Variants in ADGRL4 observed in about 807,000 individuals in gnomAD.
The protein encoded by ADGRL4 is adhesion G protein-coupled receptor L4, also known as EGF, latrophilin and seven transmembrane domain containing 1.
In ADGRL4, 90 loss-of-function variants were observed where a neutral mutation model predicts 74.8. The observed-to-expected ratio is 1.20, with a 90% CI of 1.02 to 1.43. The LOEUF is 1.43. Ranked by LOEUF, ADGRL4 falls within the 40% of genes most tolerant of loss-of-function variation. The pLI, the probability that ADGRL4 is intolerant of heterozygous loss-of-function variation, is 0.00. For missense variants in ADGRL4, 881 were observed against 814.3 expected, an observed-to-expected ratio of 1.08 and a Z score of -1.00; for synonymous variants, 311 against 279.2, an observed-to-expected ratio of 1.11 and a Z score of -1.14.
chr1:78,921,577 C>A, intron 9 of ADGRL4, 36 bp downstream of exon 9: 1 of 1,300,742 alleles, frequency 7.7e-7, no homozygotes, highest in Non-Finnish European at 1.0e-6. Flanking sequence ...ACAGAAAAAG[C>A]AACATTTATA....
At chr1:78,942,215 A>G (rs1649501428) in intron 3 of ADGRL4, among the ~76,000 whole-genome samples, 1 of 150,336 alleles carries the variant, frequency 6.7e-6, no homozygotes. Context: ...CTTCTAATCC[A>G]AAAGAGTTCT....
intron 2 of ADGRL4, among the ~76,000 whole-genome samples, chr1:78,992,892 T>C (rs1391754750): frequency 6.6e-6 from 1 of 152,118 alleles, no homozygotes; most frequent in African/African-American, 2.4e-5. Context: ...CAATTGATGT[T>C]TGATGGTTGA....
At chr1:78,944,209 A>T (rs1053897174) in intron 3 of ADGRL4, among the ~76,000 whole-genome samples, 85 of 152,182 alleles carry the variant, frequency 5.6e-4, no homozygotes, top group African/African-American at 2.0e-3. Flanking sequence ...AAAAAGACAG[A>T]TGTCTTCTAC....
At chr1:78,906,905 A>G (rs1648655092) in intron 12 of ADGRL4, among the ~76,000 whole-genome samples, 1 of 152,010 alleles carries the variant, frequency 6.6e-6, no homozygotes. Flanking sequence ...CAAATTATTA[A>G]GAATTGTCCT....
chr1:79,001,593 A>G (rs1021925963), intron 2 of ADGRL4, among the ~76,000 whole-genome samples: 2 of 152,136 alleles, frequency 1.3e-5, no homozygotes, highest in African/African-American at 4.8e-5. Flanking sequence ...GTGAACTTCA[A>G]CTTTGCTTAT....
intron 3 of ADGRL4, among the ~76,000 whole-genome samples, chr1:78,945,177 A>AAAAAAAAATATAT (rs376405445): frequency 7.8e-6 from 1 of 127,938 alleles, no homozygotes; most frequent in African/African-American, 2.9e-5. Context: ...AAAAAAAAAA[A>AAAAAAAAATATAT]ATATATATAT....
At chr1:78,965,259 A>C (rs1277134206) in intron 2 of ADGRL4, among the ~76,000 whole-genome samples, 6 of 152,298 alleles carry the variant, frequency 3.9e-5, no homozygotes, top group Non-Finnish European at 5.9e-5. Context: ...TTTGTATGAT[A>C]CTTTGTTATA....
In ADGRL4 at chr1:78,891,177, A is replaced by T. The variant is rs554373790; in HGVS notation, c.2050T>A (p.Cys684Ser). ...EYYRLFKNVPCCFGCLR is the reference protein window; with the variant it reads ...EYYRLFKNVPSCFGCLR ...GTTTACCTTAAACATCCAAAACAAC[A>T]GGGGACATTTTTGAACAATCTGTAA... The change falls in exon 15 of 15, where the codon TGT (cysteine) becomes AGT (serine). Residue 684 changes from cysteine to serine, a missense_variant. Cys to Ser is a moderately radical substitution (Grantham distance 112). Coordinates refer to ENST00000370742, the MANE Select transcript of ADGRL4 (RefSeq NM_022159.4). 1.2e-6 allele frequency: 2 copies of T among 1,611,496 alleles called. No homozygotes were observed. Among genetic ancestry groups the T allele is most frequent in the South Asian group, 2.2e-5 (2 of 90,756 alleles).
At chr1:78,970,525 C>T (rs1259915517) in intron 2 of ADGRL4, among the ~76,000 whole-genome samples, 1 of 152,088 alleles carries the variant, frequency 6.6e-6, no homozygotes, top group Non-Finnish European at 1.5e-5. Context: ...CCAGCATGTG[C>T]CAAGGTCACC....
chr1:78,929,119 T>C (rs983753319), intron 7 of ADGRL4, among the ~76,000 whole-genome samples: 4 of 151,568 alleles, frequency 2.6e-5, no homozygotes, highest in African/African-American at 9.8e-5. Flanking sequence ...TCTATTATCT[T>C]TTTATCATAA....
chr1:78,936,989 C>G (rs1649367683), intron 6 of ADGRL4, among the ~76,000 whole-genome samples: 1 of 152,170 alleles, frequency 6.6e-6, no homozygotes, highest in Non-Finnish European at 1.5e-5. Flanking sequence ...TTTCAGCTAA[C>G]TTACCTTGCT....
chr1:79,005,273 C>T (rs894771948), intron 1 of ADGRL4, 54 bp from the exon 2 acceptor site: 13 of 1,348,076 alleles, frequency 9.6e-6, no homozygotes, highest in African/African-American at 7.4e-5. Context: ...ACATCTCTCC[C>T]CATTGTTGAA....
At position 78,891,067 on chromosome 1, in the gene ADGRL4, A is replaced by G. The variant is rs370109427; in HGVS notation, c.*87T>C. On this transcript the variant is annotated 3_prime_UTR_variant, in exon 15 of 15. Transcript: ENST00000370742. ...TTGTCTAGTAGTTAATAATTGGATAATTTGATGAGTCATTTTTATACATTG... is the reference window on the plus strand; with the variant it reads ...TTGTCTAGTAGTTAATAATTGGATAGTTTGATGAGTCATTTTTATACATTG... The G allele has an allele frequency of 5.7e-5, 76 of 1,325,240 alleles. No homozygotes were observed. Among genetic ancestry groups the G allele is most frequent in the Middle Eastern group, 1.8e-4 (1 of 5,502 alleles). 82.1% of individuals were successfully genotyped at this position (1,325,240 alleles called of 1,614,324 possible).
chr1:78,979,928 G>A (rs1365193532), intron 2 of ADGRL4, among the ~76,000 whole-genome samples: 1 of 151,798 alleles, frequency 6.6e-6, no homozygotes, highest in Non-Finnish European at 1.5e-5. Context: ...ATTACATATT[G>A]GGTACAGGGT....
intron 7 of ADGRL4, among the ~76,000 whole-genome samples, chr1:78,934,868 C>T (rs1649320537): frequency 6.6e-6 from 1 of 152,126 alleles, no homozygotes; most frequent in East Asian, 1.9e-4. Context: ...CATCTCATGC[C>T]AGTCAGAAGG....
chr1:78,960,042 AT>A (rs1649917937), intron 2 of ADGRL4, among the ~76,000 whole-genome samples: 1 of 152,176 alleles, frequency 6.6e-6, no homozygotes, highest in Non-Finnish European at 1.5e-5. Flanking sequence ...ACAATAGATA[AT>A]ATCTGCAGTT....
intron 2 of ADGRL4, among the ~76,000 whole-genome samples, chr1:78,947,337 C>A (rs140840549): frequency 6.6e-6 from 1 of 152,024 alleles, no homozygotes; most frequent in East Asian, 1.9e-4. Context: ...TATAAAAGGA[C>A]GGAAATTTGG....
At chr1:78,931,167 T>C (rs74710597) in intron 7 of ADGRL4, among the ~76,000 whole-genome samples, 13,736 of 151,166 alleles carry the variant, frequency 0.091, 1,024 homozygotes, top group East Asian at 0.33. Flanking sequence ...AAAAATGTTA[T>C]GGGCAGCCAG....
chr1:78,906,544 G>C (rs1012227739), intron 12 of ADGRL4, among the ~76,000 whole-genome samples: 1 of 151,920 alleles, frequency 6.6e-6, no homozygotes, highest in East Asian at 1.9e-4. Flanking sequence ...AAAGGTGAAG[G>C]AGAACAACTG....
Sources: allele counts gnomAD v4.1 joint callset (sites outside exome capture counted in the v4.1 genomes callset), GRCh38; gene constraint gnomAD v4.1.1; transcripts MANE v1.5; gene names NCBI Gene and HGNC (gene_info 2026-07-23, HGNC 2026-07-21).